LDHAL6A: variants seen among roughly 807,000 people sequenced by gnomAD.
LDHAL6A encodes L-lactate dehydrogenase A-like 6A.
Under a neutral mutation model 28.2 loss-of-function variants are expected in LDHAL6A, and 19 were observed. That is an observed-to-expected ratio of 0.67 (90% confidence interval 0.47 to 0.99). The LOEUF (loss-of-function observed/expected upper bound fraction) is 0.99. Among genes scored for constraint, LDHAL6A ranks in the 50% least tolerant of loss-of-function variants. LDHAL6A has a pLI of 0.00. For missense variants in LDHAL6A, 372 were observed against 398.6 expected, an observed-to-expected ratio of 0.93 and a Z score of 0.57; for synonymous variants, 144 against 134.4, an observed-to-expected ratio of 1.07 and a Z score of -0.49.
At position 18,464,977 on chromosome 11, in the gene LDHAL6A, GT is replaced by G. The variant is rs67628824; in HGVS notation, c.245-651del. ...TTTTAGGAGGTGAGGTGTTTTTTTT[GT>G]TTTTTTTTGTTTTGTTTTGTTTTGG... is the stretch of plus-strand genomic sequence containing the variant. On this transcript the variant is annotated intron_variant, in intron 2 of 6. Coordinates refer to ENST00000280706, the MANE Select transcript of LDHAL6A (RefSeq NM_144972.5). 1.6e-3 allele frequency among the ~76,000 whole-genome samples: 205 copies of G among 125,514 alleles called. 7 individuals are homozygous for G. The highest frequency in any genetic ancestry group is 8.5e-3 in the Middle Eastern group (2 of 234). The allele number at this position is 125,514 out of a possible 152,430, so 82.3% of individuals were successfully genotyped here.
Position 18,456,081 on chromosome 11 carries a change from G to C in LDHAL6A, c.-600G>C, listed in dbSNP as rs996963144. ...CATTCTCTTTCTTCACCTCTTGAGT[G>C]AGTGGCCATGAGCTGGGCTGCAAGA... On this transcript the variant is annotated 5_prime_UTR_variant, in exon 1 of 7. The change abolishes the stop of an existing upstream ORF in the 5' untranslated region. Transcript: ENST00000280706. The C allele has an allele frequency of 1.3e-5, 2 of 153,056 alleles. No individual in the cohort carries two copies. The highest frequency in any genetic ancestry group is 2.4e-5 in the African/African-American group (1 of 41,494). The allele number at this position is 153,056 out of a possible 1,614,324, so 9.5% of individuals were successfully genotyped here. A position where few individuals can be genotyped will look rare whatever the true frequency, so the allele number is the denominator to read the frequency against.
At chr11:18,477,452 TA>T (rs112745078) in intron 5 of LDHAL6A, among the ~76,000 whole-genome samples, 167 bp from the exon 6 acceptor site, 140 of 144,094 alleles carry the variant, frequency 9.7e-4, no homozygotes, top group Admixed American at 9.7e-4. Context: ...GAGCAAGACT[TA>T]AAAAAAAAAA....
chr11:18,472,289 A>G (rs1367552998), intron 3 of LDHAL6A, among the ~76,000 whole-genome samples: 1 of 152,188 alleles, frequency 6.6e-6, no homozygotes, highest in East Asian at 1.9e-4. Context: ...AGACATTTCT[A>G]CCATACTTCT....
intron 1 of LDHAL6A, among the ~76,000 whole-genome samples, chr11:18,462,799 C>T (rs1423656425): frequency 8.6e-5 from 13 of 151,734 alleles, no homozygotes. Flanking sequence ...CACCACTGCA[C>T]TCCAGCCTGG....
chr11:18,461,746 G>T (rs1288801140), intron 1 of LDHAL6A, among the ~76,000 whole-genome samples: 1 of 151,254 alleles, frequency 6.6e-6, no homozygotes, highest in African/African-American at 2.4e-5. Flanking sequence ...CAGCTACTCA[G>T]GAGGCTGAGG....
At chr11:18,473,561 A>C (rs1849299411) in intron 3 of LDHAL6A, among the ~76,000 whole-genome samples, 1 of 152,074 alleles carries the variant, frequency 6.6e-6, no homozygotes. Context: ...ACCACACTTG[A>C]CTACTTTTTA....
chr11:18,472,328 T>A (rs1849274922), intron 3 of LDHAL6A, among the ~76,000 whole-genome samples: 1 of 152,198 alleles, frequency 6.6e-6, no homozygotes, highest in Admixed American at 6.5e-5. Flanking sequence ...AATGAATGCT[T>A]ACCATTTAAA....
chr11:18,465,186 G>A (rs146372919), intron 2 of LDHAL6A, among the ~76,000 whole-genome samples: 5 of 151,928 alleles, frequency 3.3e-5, no homozygotes, highest in Admixed American at 6.6e-5. Context: ...AGGTTGGAGT[G>A]TCGTGGTGTG....
chr11:18,474,987 T>C (rs1849336720), intron 3 of LDHAL6A, among the ~76,000 whole-genome samples: 1 of 152,194 alleles, frequency 6.6e-6, no homozygotes, highest in African/African-American at 2.4e-5. Context: ...ACGCCTGTAG[T>C]CCGAACACTT....
intron 3 of LDHAL6A, among the ~76,000 whole-genome samples, chr11:18,472,004 T>G (rs1001813485): frequency 6.6e-6 from 1 of 151,960 alleles, no homozygotes; most frequent in African/African-American, 2.4e-5. Flanking sequence ...ACCTAAACAA[T>G]TGAAGATCAA....
rs910608697 is a variant in LDHAL6A, at chr11:18,463,886, A to G, written c.127-75A>G. 1.5e-4 allele frequency: 131 copies of G among 871,300 alleles called. No individual in the cohort carries two copies. The African/African-American group carries it at 1.7e-3, about 11-fold the overall frequency. The allele number at this position is 871,300 out of a possible 1,614,324, so 54.0% of individuals were successfully genotyped here. Reference sequence around the variant, plus strand: ...TTCACAAGCTAGACATAGATCACCAATATAAGAATTTTCTTTCATTCTCCA... The same window carrying G: ...TTCACAAGCTAGACATAGATCACCAGTATAAGAATTTTCTTTCATTCTCCA... On this transcript the variant is annotated intron_variant, in intron 1 of 6. Transcript: ENST00000280706.
At chr11:18,468,958 C>G (rs921919968) in intron 3 of LDHAL6A, 1 of 372,448 alleles carries the variant, frequency 2.7e-6, no homozygotes, top group Non-Finnish European at 4.7e-6. Context: ...AAAAAAAATA[C>G]CAAATCCAAA....
At chr11:18,458,020 T>G (rs897803230) in intron 1 of LDHAL6A, among the ~76,000 whole-genome samples, 1 of 152,078 alleles carries the variant, frequency 6.6e-6, no homozygotes, top group African/African-American at 2.4e-5. Context: ...AATAAAAGAT[T>G]TATTTATCAC....
intron 3 of LDHAL6A, among the ~76,000 whole-genome samples, chr11:18,475,018 A>C (rs1269897954): frequency 3.3e-5 from 5 of 152,172 alleles, no homozygotes; most frequent in Admixed American, 3.3e-4. Flanking sequence ...AGGTAGGTGA[A>C]TCACCTGAGG....
intron 3 of LDHAL6A, chr11:18,469,260 G>T (rs1318145681): frequency 3.4e-6 from 2 of 588,662 alleles, no homozygotes; most frequent in African/African-American, 3.8e-5. Context: ...TGTGTTAAGT[G>T]AATCCCCAAC....
Position 18,475,491 on chromosome 11 carries a change from G to A in LDHAL6A, c.444G>A (p.Trp148Ter), listed in dbSNP as rs1255477038. The change falls in exon 4 of 7, where the codon TGG (tryptophan) becomes TGA (stop). Residue 148 changes from tryptophan to a stop codon, truncating the protein, a stop_gained. Transcript: ENST00000280706. LOFTEE classifies it high-confidence loss of function. ...TGGATATCTTAACTTATGTAGCCTG[G>A]AAGTTGAGTGGATTTCCCAAAAACC... ...NPVDILTYVA[W>*]KLSGFPKNRV... 6.2e-7 allele frequency: 1 copy of A among 1,613,804 alleles called. No individual in the cohort carries two copies. The highest frequency in any genetic ancestry group is 2.2e-5 in the East Asian group (1 of 44,872).
intron 3 of LDHAL6A, among the ~76,000 whole-genome samples, chr11:18,469,908 A>AT (rs919723799): frequency 2.0e-5 from 3 of 152,130 alleles, no homozygotes; most frequent in Non-Finnish European, 2.9e-5. Context: ...CTCAGGAAAG[A>AT]TTTTTTCCCC....
At chr11:18,456,843 G>GT in intron 1 of LDHAL6A, 37 bp downstream of exon 1, 1 of 1,591,772 alleles carries the variant, frequency 6.3e-7, no homozygotes, top group Admixed American at 1.8e-5. Context: ...GTTCACCTCA[G>GT]TTGGAGGCGA....
At chr11:18,460,873 G>A (rs1199528985) in intron 1 of LDHAL6A, among the ~76,000 whole-genome samples, 1 of 152,194 alleles carries the variant, frequency 6.6e-6, no homozygotes, top group African/African-American at 2.4e-5. Context: ...GTCTCACTCT[G>A]TTGCACAGGC....
Sources: allele counts gnomAD v4.1 joint callset (sites outside exome capture counted in the v4.1 genomes callset), GRCh38; gene constraint gnomAD v4.1.1; transcripts MANE v1.5; gene names NCBI Gene and HGNC (gene_info 2026-07-23, HGNC 2026-07-21).